MYH13: variants seen among roughly 807,000 people sequenced by gnomAD.
MYH13 encodes myosin-13.
Under a neutral mutation model 232.1 loss-of-function variants are expected in MYH13, and 177 were observed. The observed-to-expected ratio is 0.76, with a 90% CI of 0.67 to 0.86. The LOEUF (loss-of-function observed/expected upper bound fraction) is 0.86. MYH13 is among the 40% of genes least tolerant of loss of function. MYH13 has a pLI of 0.00. For synonymous variants in MYH13, 884 were observed against 923.5 expected, an observed-to-expected ratio of 0.96 and a Z score of 0.78; for missense variants, 2,246 against 2,405.9, an observed-to-expected ratio of 0.93 and a Z score of 1.39.
chr17:10,314,927 A>C (rs537104568), intron 29 of MYH13, among the ~76,000 whole-genome samples: 7 of 152,354 alleles, frequency 4.6e-5, no homozygotes, highest in East Asian at 1.9e-4. Context: ...GATGATGTTC[A>C]TGTTTATGCG....
intron 32 of MYH13, 25 bp downstream of exon 32, chr17:10,311,886 C>G (rs768769248): frequency 6.2e-7 from 1 of 1,613,416 alleles, no homozygotes; most frequent in Non-Finnish European, 8.5e-7. Context: ...GGACATAGCA[C>G]ACACCAGTGG....
In MYH13 at chr17:10,355,264, A is replaced by C. The variant is rs2071740581; in HGVS notation, c.739-117T>G. On this transcript the variant is annotated intron_variant, in intron 8 of 40. Coordinates refer to ENST00000252172, the MANE Select transcript of MYH13 (RefSeq NM_003802.3). ...AAATGCAAAAATGCTAGAGAACAGA[A>C]CTGAAGGCCTGCTTTGGTGAACCTT... 3.6e-6 allele frequency: 4 copies of C among 1,106,062 alleles called. No individual in the cohort carries two copies. The Admixed American group carries it at 8.5e-5, about 23-fold the overall frequency. The allele number at this position is 1,106,062 out of a possible 1,614,324, so 68.5% of individuals were successfully genotyped here.
chr17:10,324,756 G>GTTTTTTTTTTTTTTTTTTTTTTTTTTTTT (rs56757162), intron 22 of MYH13: 2 of 107,768 alleles, frequency 1.9e-5, no homozygotes, highest in African/African-American at 8.2e-5. Context: ...CCATATACAT[G>GTTTTTTTTTTTTTTTTTTTTTTTTTTTTT]TTTTTTTTTT....
chr17:10,362,583 G>C, intron 3 of MYH13, 80 bp from the exon 4 acceptor site: 1 of 1,559,262 alleles, frequency 6.4e-7, no homozygotes, highest in Non-Finnish European at 8.8e-7. Context: ...GGTGGAAGTA[G>C]TGAGATATTG....
chr17:10,368,542 T>C (rs889181846), intron 2 of MYH13, among the ~76,000 whole-genome samples: 2 of 152,238 alleles, frequency 1.3e-5, no homozygotes, highest in Non-Finnish European at 2.9e-5. Context: ...TGAAACTTTT[T>C]AGTGCAAGTG....
At chr17:10,337,190 C>T (rs965432894) in intron 18 of MYH13, among the ~76,000 whole-genome samples, 16 of 152,290 alleles carry the variant, frequency 1.1e-4, no homozygotes, top group African/African-American at 2.2e-4. Flanking sequence ...GGATTACAGG[C>T]GTGAGCCACC....
chr17:10,329,926 G>C (rs1180059363), intron 21 of MYH13, among the ~76,000 whole-genome samples: 5 of 151,934 alleles, frequency 3.3e-5, no homozygotes, highest in African/African-American at 4.8e-5. Flanking sequence ...CTTGAACCTG[G>C]AAGCTGGAGA....
At chr17:10,312,824 T>A in intron 30 of MYH13, 67 bp from the exon 31 acceptor site, 1 of 1,503,294 alleles carries the variant, frequency 6.7e-7, no homozygotes, top group Non-Finnish European at 9.0e-7. Context: ...AACTGTCAGA[T>A]GGGAAGAGAA....
intron 25 of MYH13, 51 bp from the exon 26 acceptor site, chr17:10,320,294 A>C: frequency 1.2e-6 from 2 of 1,605,234 alleles, no homozygotes; most frequent in Non-Finnish European, 1.7e-6. Context: ...AGCCTCTTGG[A>C]GGGGGTGAAA....
At position 10,308,315 on chromosome 17, in the gene MYH13, T is replaced by G. The variant is rs928824384; in HGVS notation, c.5169+919A>C. Among the ~76,000 whole-genome samples the G allele has an allele frequency of 2.1e-4, 25 of 117,250 alleles. No homozygotes were observed. The South Asian group carries it at 4.8e-3, about 23-fold the overall frequency. 76.9% of individuals were successfully genotyped at this position (117,250 alleles called of 152,430 possible). On this transcript the variant is annotated intron_variant, in intron 35 of 40. Coordinates refer to ENST00000252172, the MANE Select transcript of MYH13 (RefSeq NM_003802.3). ...CTCCAGCCTGGCGACAGAAAGAGAC[T>G]CTGCTCTGTCTCAAAAAAAAAAAAA...
intron 23 of MYH13, among the ~76,000 whole-genome samples, chr17:10,322,409 A>G (rs1157439249): frequency 6.6e-6 from 1 of 152,120 alleles, no homozygotes; most frequent in Non-Finnish European, 1.5e-5. Flanking sequence ...AAATAAAGAC[A>G]GAAAGAAAGA....
chr17:10,328,943 G>T (rs1907318416), intron 21 of MYH13, among the ~76,000 whole-genome samples: 2 of 152,162 alleles, frequency 1.3e-5, no homozygotes, highest in African/African-American at 4.8e-5. Context: ...CTCCCAAAGT[G>T]CTAGGGTTAC....
chr17:10,300,942 A>AG lies in MYH13; in HGVS notation c.*8dup. The AG allele has an allele frequency of 6.2e-7, 1 of 1,612,716 alleles. No homozygotes were observed. The highest frequency in any genetic ancestry group is 8.5e-7 in the Non-Finnish European group (1 of 1,179,088). The stretch of plus-strand genomic sequence containing the variant: ...GAGGTGTCCCATGGCAACGAGCATC[A>AG]GGTGAGCCTCATTCTTCCATCTTCT... On this transcript the variant is annotated 3_prime_UTR_variant, in exon 41 of 41. Transcript: ENST00000252172.
chr17:10,303,144 T>C, intron 39 of MYH13, 52 bp downstream of exon 39: 2 of 1,522,056 alleles, frequency 1.3e-6, no homozygotes, highest in Non-Finnish European at 1.8e-6. Context: ...ACACCCAGGA[T>C]GCCCCAGGGA....
At chr17:10,301,483 C>T (rs1451733231) in intron 40 of MYH13, 86 bp downstream of exon 40, 2 of 1,574,652 alleles carry the variant, frequency 1.3e-6, no homozygotes, top group East Asian at 4.5e-5. Context: ...ATCTGGCCTC[C>T]CACACTCAGG....
Position 10,311,171 on chromosome 17 carries a change from C to T in MYH13, c.4588G>A (p.Ala1530Thr). 6.2e-7 allele frequency: 1 copy of T among 1,614,056 alleles called. No homozygotes were observed. The highest frequency in any genetic ancestry group is 1.1e-5 in the South Asian group (1 of 91,080). Residue 1530 changes from alanine to threonine, a missense_variant, in exon 33 of 41, where the codon GCG (alanine) becomes ACG (threonine). Coordinates refer to ENST00000252172, the MANE Select transcript of MYH13 (RefSeq NM_003802.3). ...TCCACTAGCTTCTTGGTCTTTTCCG[C>T]TTCCTGAAGATTCTTGCCAGTTTCT... is the stretch of plus-strand genomic sequence containing the variant. ...IAETGKNLQE[A>T]EKTKKLVEQE...
At chr17:10,310,062 G>A (rs944891067) in intron 33 of MYH13, among the ~76,000 whole-genome samples, 1 of 150,296 alleles carries the variant, frequency 6.7e-6, no homozygotes, top group African/African-American at 2.4e-5. Flanking sequence ...ACAGGTGTGA[G>A]CCATGGTGCC....
chr17:10,335,460 A>G lies in MYH13; in HGVS notation c.2057-2269T>C, dbSNP rs146046174. ...AGGTGGTTGAGGATTACATGAGTTAAGATGAGTACAGGCCCGGTGCGATGG... is the reference window on the plus strand; with the variant it reads ...AGGTGGTTGAGGATTACATGAGTTAGGATGAGTACAGGCCCGGTGCGATGG... On this transcript the variant is annotated intron_variant, in intron 18 of 40. Coordinates refer to ENST00000252172, the MANE Select transcript of MYH13 (RefSeq NM_003802.3). Among the ~76,000 whole-genome samples, 593 of 152,324 alleles carry G rather than the reference A, an allele frequency of 3.9e-3. 5 individuals are homozygous for G. Among genetic ancestry groups the G allele is most frequent in the African/African-American group, 0.013 (556 of 41,580 alleles).
Position 10,340,373 on chromosome 17 carries a change from C to T in MYH13, c.1923G>A (p.Gly641=), listed in dbSNP as rs1342575418. The T allele has an allele frequency of 6.2e-7, 1 of 1,613,910 alleles. No homozygotes were observed. ...TGDSGGSKKG[G]KKKGSSFQTV... ...TCTGGAAAGAGGAGCCCTTCTTCTT[C>T]CCGCCCTTCTTGCTTCCTCCGGAGT... The change falls in exon 17 of 41, where the codon GGG becomes GGA. Residue 641 remains glycine (G), a synonymous_variant. Transcript: ENST00000252172.
Sources: allele counts gnomAD v4.1 joint callset (sites outside exome capture counted in the v4.1 genomes callset), GRCh38; gene constraint gnomAD v4.1.1; transcripts MANE v1.5; gene names NCBI Gene and HGNC (gene_info 2026-07-23, HGNC 2026-07-21).